Variants in KANK1 observed in about 807,000 individuals in gnomAD.
KANK1 encodes the protein KN motif and ankyrin repeat domain-containing protein 1.
In KANK1, 109 loss-of-function variants were observed where a neutral mutation model predicts 106.2. The observed-to-expected ratio is 1.03, with a 90% CI of 0.88 to 1.20. The LOEUF is 1.20. Among genes scored for constraint, KANK1 ranks in the 50% most tolerant of loss-of-function variants. The pLI is 0.00. For missense variants in KANK1, 2,399 were observed against 1,710.7 expected (o/e 1.40, Z -7.10); for synonymous variants, 873 against 652.2 (o/e 1.34, Z -5.16).
intron 1 of KANK1, among the ~76,000 whole-genome samples, chr9:531,949 C>G (rs1260279848): frequency 6.6e-6 from 1 of 152,178 alleles, no homozygotes; most frequent in African/African-American, 2.4e-5. Context: ...AGACATCCAC[C>G]TGGCCTCCAA....
intron 1 of KANK1, among the ~76,000 whole-genome samples, chr9:643,465 G>C (rs1163061947): frequency 6.7e-6 from 1 of 149,798 alleles, no homozygotes; most frequent in Non-Finnish European, 1.5e-5. Flanking sequence ...AGCTCTAGGG[G>C]CCTCCTCCCG....
intron 1 of KANK1, among the ~76,000 whole-genome samples, chr9:533,772 A>G (rs1397308113): frequency 2.0e-5 from 3 of 152,190 alleles, no homozygotes; most frequent in Non-Finnish European, 2.9e-5. Context: ...AACAGTTTCT[A>G]TGCATTATGT....
chr9:594,803 C>G (rs1315563600), intron 1 of KANK1, among the ~76,000 whole-genome samples: 1 of 151,680 alleles, frequency 6.6e-6, no homozygotes, highest in Non-Finnish European at 1.5e-5. Flanking sequence ...GCTTTTAAAA[C>G]CAAATATAAA....
Position 745,378 on chromosome 9 carries a change from C to G in KANK1, c.*143C>G. On this transcript the variant is annotated 3_prime_UTR_variant, in exon 12 of 12. Coordinates refer to ENST00000382297, the MANE Select transcript of KANK1 (RefSeq NM_015158.5). ...TCAAGCCCAGGGGTAAAGGCTGAAG[C>G]TTTCACAGTGCAGAGACTGCTAGCC... The G allele has an allele frequency of 9.8e-7, 1 of 1,020,950 alleles. No homozygotes were observed. Among genetic ancestry groups the G allele is most frequent in the Non-Finnish European group, 1.5e-6 (1 of 670,102 alleles). 63.2% of individuals were successfully genotyped at this position (1,020,950 alleles called of 1,614,324 possible). A position where few individuals can be genotyped will look rare whatever the true frequency, so the allele number is the denominator to read the frequency against.
intron 1 of KANK1, among the ~76,000 whole-genome samples, chr9:614,428 C>G (rs1466663629): frequency 6.6e-6 from 1 of 152,112 alleles, no homozygotes; most frequent in Non-Finnish European, 1.5e-5. Context: ...TTAAATCATA[C>G]TGGCATAAAG....
At chr9:679,557 G>A (rs1309296188) in intron 2 of KANK1, among the ~76,000 whole-genome samples, 1 of 152,110 alleles carries the variant, frequency 6.6e-6, no homozygotes, top group Non-Finnish European at 1.5e-5. Context: ...TGGGATTACA[G>A]GCCCATGCCA....
At chr9:612,456 A>T (rs374441880) in intron 1 of KANK1, among the ~76,000 whole-genome samples, 1 of 151,988 alleles carries the variant, frequency 6.6e-6, no homozygotes, top group African/African-American at 2.4e-5. Context: ...ATCCCACATT[A>T]TCGGTGTTTT....
intron 1 of KANK1, among the ~76,000 whole-genome samples, chr9:546,959 AC>A (rs1346335751): frequency 3.3e-5 from 5 of 152,192 alleles, no homozygotes; most frequent in African/African-American, 1.2e-4. Context: ...AATGGTTCTC[AC>A]CAGATAGGGT....
At chr9:668,944 G>C (rs747541254) in intron 1 of KANK1, among the ~76,000 whole-genome samples, 3 of 152,124 alleles carry the variant, frequency 2.0e-5, no homozygotes, top group South Asian at 2.1e-4. Context: ...CTAATGATCT[G>C]ACAGGAGGTG....
intron 1 of KANK1, among the ~76,000 whole-genome samples, chr9:641,894 A>G (rs1449088698): frequency 6.6e-6 from 1 of 152,174 alleles, no homozygotes; most frequent in African/African-American, 2.4e-5. Flanking sequence ...AATTAACATA[A>G]TCGTGTAACC....
chr9:534,258 G>C (rs7031554), intron 1 of KANK1, among the ~76,000 whole-genome samples: 66,937 of 152,130 alleles, frequency 0.44, 17,949 homozygotes, highest in African/African-American at 0.76. Flanking sequence ...GCTTGTGAAT[G>C]TTGAACAATG....
At chr9:648,050 G>C (rs1469295872) in intron 1 of KANK1, among the ~76,000 whole-genome samples, 1 of 146,114 alleles carries the variant, frequency 6.8e-6, no homozygotes, top group Non-Finnish European at 1.5e-5. Context: ...CGCCAGGCTG[G>C]AGTGGTGCAG....
chr9:636,377 T>A (rs1837144863), intron 1 of KANK1, among the ~76,000 whole-genome samples: 1 of 152,326 alleles, frequency 6.6e-6, no homozygotes, highest in East Asian at 1.9e-4. Flanking sequence ...CTGGTTTCTT[T>A]TGTGTTTGAT....
chr9:712,228 C>G lies in KANK1; in HGVS notation c.1462C>G (p.Leu488Val), dbSNP rs1826335475. 1.9e-6 allele frequency: 3 copies of G among 1,614,184 alleles called. No homozygotes were observed. Among genetic ancestry groups the G allele is most frequent in the Non-Finnish European group, 2.5e-6 (3 of 1,180,014 alleles). The change falls in exon 3 of 12, where the codon CTG becomes GTG. Residue 488 changes from leucine (L) to valine (V), a missense_variant. Leu to Val is a conservative substitution (Grantham distance 32, BLOSUM62 1). Transcript: ENST00000382297. ...CACCCATGACCGGGAGATGACTAAACTGAAACAAGAGCTGCAGGCTGCTGG... is the reference window on the plus strand; with the variant it reads ...CACCCATGACCGGGAGATGACTAAAGTGAAACAAGAGCTGCAGGCTGCTGG... ...ETTHDREMTK[L>V]KQELQAAGSR...
At chr9:605,420 C>G (rs752531090) in intron 1 of KANK1, among the ~76,000 whole-genome samples, 1 of 151,492 alleles carries the variant, frequency 6.6e-6, no homozygotes, top group Non-Finnish European at 1.5e-5. Context: ...GCATCTAAAA[C>G]AGGCAGAGAG....
chr9:728,043 T>C (rs2131607256), intron 3 of KANK1, among the ~76,000 whole-genome samples: 1 of 152,180 alleles, frequency 6.6e-6, no homozygotes, highest in East Asian at 1.9e-4. Flanking sequence ...AACAGAGATC[T>C]TAGGAGTGAC....
At chr9:678,211 CT>C (rs778138893) in intron 2 of KANK1, among the ~76,000 whole-genome samples, 1 of 152,152 alleles carries the variant, frequency 6.6e-6, no homozygotes, top group Non-Finnish European at 1.5e-5. Flanking sequence ...CTTCTTGAGA[CT>C]TTTATAGATT....
intron 1 of KANK1, among the ~76,000 whole-genome samples, chr9:609,594 T>C (rs10815341): frequency 0.81 from 123,652 of 152,118 alleles, 50,676 homozygotes; most frequent in African/African-American, 0.92. Flanking sequence ...CGCTCCACTG[T>C]ACTCCAGCCT....
At chr9:521,052 A>G (rs1204807783) in intron 1 of KANK1, among the ~76,000 whole-genome samples, 1 of 151,732 alleles carries the variant, frequency 6.6e-6, no homozygotes, top group African/African-American at 2.4e-5. Context: ...CTGTCTTGGT[A>G]TTTTTCTTTC....
Sources: allele counts gnomAD v4.1 joint callset (sites outside exome capture counted in the v4.1 genomes callset), GRCh38; gene constraint gnomAD v4.1.1; transcripts MANE v1.5; gene names NCBI Gene and HGNC (gene_info 2026-07-23, HGNC 2026-07-21).